Variants in SATB2 observed in about 807,000 individuals in gnomAD.
SATB2 encodes the protein SATB homeobox 2.
In SATB2, 1 loss-of-function variant was observed where a neutral mutation model predicts 73.4. The observed-to-expected ratio is 0.01, with a 90% CI of 0.00 to 0.06. The LOEUF (loss-of-function observed/expected upper bound fraction) is 0.06, where lower values mean the gene tolerates loss of function less well. Ranked by LOEUF, SATB2 falls within the 10% of genes least tolerant of loss-of-function variation. The probability of loss-of-function intolerance (pLI) is 1.00; values close to 1 mark genes in which losing one functional copy is unlikely to be tolerated. For synonymous variants in SATB2, 397 were observed against 367.0 expected, an observed-to-expected ratio of 1.08 and a Z score of -0.93; for missense variants, 459 against 945.8, an observed-to-expected ratio of 0.49 and a Z score of 6.75.
At chr2:199,428,759 T>TATTAA (rs1691408909) in intron 3 of SATB2, among the ~76,000 whole-genome samples, 1 of 152,142 alleles carries the variant, frequency 6.6e-6, no homozygotes, top group Non-Finnish European at 1.5e-5. Flanking sequence ...TGCCTGGGTA[T>TATTAA]AGTGGCTCAC....
chr2:199,298,848 A>G (rs1687197767), intron 10 of SATB2, among the ~76,000 whole-genome samples: 1 of 152,198 alleles, frequency 6.6e-6, no homozygotes, highest in Non-Finnish European at 1.5e-5. Flanking sequence ...GACGATGACT[A>G]TCTTTGAAAT....
chr2:199,353,463 C>T (rs1688882819), intron 6 of SATB2, among the ~76,000 whole-genome samples: 1 of 151,896 alleles, frequency 6.6e-6, no homozygotes, highest in Non-Finnish European at 1.5e-5. Context: ...CTGATTTTAC[C>T]TAAATTGAAA....
intron 3 of SATB2, chr2:199,397,627 G>A (rs754119432): frequency 2.0e-5 from 4 of 203,294 alleles, no homozygotes; most frequent in Non-Finnish European, 4.1e-5. Context: ...GATGGCTCAC[G>A]CCTGTAATCC....
At chr2:199,443,376 T>C (rs889091338) in intron 2 of SATB2, among the ~76,000 whole-genome samples, 1 of 152,080 alleles carries the variant, frequency 6.6e-6, no homozygotes, top group African/African-American at 2.4e-5. Context: ...ACTACCCAGA[T>C]TTCTAGTGGG....
upstream of SATB2, among the ~76,000 whole-genome samples, chr2:199,465,654 C>T (rs1472072265): frequency 6.6e-6 from 1 of 152,186 alleles, no homozygotes; most frequent in Non-Finnish European, 1.5e-5. Flanking sequence ...GTTGCTGGCA[C>T]CTATACAAAG....
At chr2:199,343,113 TACACACACAC>T (rs60947005) in intron 7 of SATB2, among the ~76,000 whole-genome samples, 7 of 151,114 alleles carry the variant, frequency 4.6e-5, no homozygotes, top group African/African-American at 1.7e-4. Context: ...TTTTATTTTA[TACACACACAC>T]ACACACACAC....
At chr2:199,275,185 G>A (rs1692275427) in intron 10 of SATB2, among the ~76,000 whole-genome samples, 1 of 152,132 alleles carries the variant, frequency 6.6e-6, no homozygotes, top group Non-Finnish European at 1.5e-5. Context: ...ATTTTCCACT[G>A]TGCACTGGTT....
At chr2:199,432,492 T>C (rs184031221) in intron 3 of SATB2, among the ~76,000 whole-genome samples, 8 of 152,300 alleles carry the variant, frequency 5.3e-5, no homozygotes, top group Admixed American at 4.6e-4. Flanking sequence ...TAACTAAAGA[T>C]AGTAATACAG....
chr2:199,419,624 T>C (rs1262255834), intron 3 of SATB2, among the ~76,000 whole-genome samples: 1 of 152,204 alleles, frequency 6.6e-6, no homozygotes, highest in Non-Finnish European at 1.5e-5. Flanking sequence ...TCTTGTAGCA[T>C]ACTCAGCTGC....
chr2:199,362,968 G>A (rs1689181513), intron 6 of SATB2, among the ~76,000 whole-genome samples: 1 of 152,048 alleles, frequency 6.6e-6, no homozygotes, highest in South Asian at 2.1e-4. Flanking sequence ...TGAGTAGATT[G>A]CAAGCTCATT....
In SATB2 at chr2:199,269,811, T is replaced by C. The variant is rs1320277926; in HGVS notation, c.*2400A>G. On this transcript the variant is annotated 3_prime_UTR_variant, in exon 11 of 11. Coordinates refer to ENST00000417098, the MANE Select transcript of SATB2 (RefSeq NM_001172509.2). Reference sequence around the variant, plus strand: ...ATTGAATAAATAGACATATATGCATTGTAATTCGCAAAGATCTGGCAAGAC... The same window carrying C: ...ATTGAATAAATAGACATATATGCATCGTAATTCGCAAAGATCTGGCAAGAC... 2 of 152,510 alleles carry C rather than the reference T, an allele frequency of 1.3e-5. No homozygotes were observed. Among genetic ancestry groups the C allele is most frequent in the Admixed American group, 6.6e-5 (1 of 15,242 alleles). 9.4% of individuals were successfully genotyped at this position (152,510 alleles called of 1,614,324 possible).
chr2:199,463,770 A>C lies in SATB2; in HGVS notation c.-141+1066T>G, dbSNP rs991260530. The stretch of plus-strand genomic sequence containing the variant: ...ATACGAACGCCCACAGTTTGTCCCA[A>C]CCCCTTGAAATGAAAAGTACACCTG... On this transcript the variant is annotated intron_variant, in intron 1 of 11. Transcript: ENST00000260926. The surrounding 1 kb of genome is among the most constrained non-coding windows in gnomAD (Gnocchi z 6.4). Among the ~76,000 whole-genome samples, 1 of 152,040 alleles carries C rather than the reference A, an allele frequency of 6.6e-6. No homozygotes were observed. The highest frequency in any genetic ancestry group is 2.4e-5 in the African/African-American group (1 of 41,400).
At chr2:199,446,866 G>T (rs1281669124) in intron 2 of SATB2, among the ~76,000 whole-genome samples, 1 of 152,140 alleles carries the variant, frequency 6.6e-6, no homozygotes, top group African/African-American at 2.4e-5. Flanking sequence ...TGCCTATCTT[G>T]TTTCTTTCAT....
intron 3 of SATB2, among the ~76,000 whole-genome samples, chr2:199,385,238 T>C (rs984193953): frequency 6.6e-6 from 1 of 152,046 alleles, no homozygotes; most frequent in East Asian, 1.9e-4. Context: ...AGGCTCAAGC[T>C]AGCCTCCCAC....
chr2:199,376,159 A>AT (rs1293443317), intron 5 of SATB2, among the ~76,000 whole-genome samples: 10 of 152,126 alleles, frequency 6.6e-5, no homozygotes, highest in Admixed American at 4.6e-4. Flanking sequence ...TCCCAGTGAG[A>AT]TTTTCCATAA....
At chr2:199,353,114 C>G (rs148281415) in intron 6 of SATB2, among the ~76,000 whole-genome samples, 112 of 148,954 alleles carry the variant, frequency 7.5e-4, no homozygotes, top group African/African-American at 2.5e-3. Context: ...CAAGGCAGAA[C>G]ACGATTTCAG....
At chr2:199,302,952 C>A (rs1574487004) in intron 10 of SATB2, among the ~76,000 whole-genome samples, 1 of 152,136 alleles carries the variant, frequency 6.6e-6, no homozygotes, top group East Asian at 1.9e-4. Context: ...TGACATCACA[C>A]CAATGATTTG....
chr2:199,285,212 GATGAC>G (rs1226482500), intron 10 of SATB2, among the ~76,000 whole-genome samples: 1 of 152,062 alleles, frequency 6.6e-6, no homozygotes, highest in African/African-American at 2.4e-5. Context: ...GAAAACTTTG[GATGAC>G]ATGAATCACA....
intron 5 of SATB2, among the ~76,000 whole-genome samples, chr2:199,379,682 C>CTTTTTTTT (rs71015899): frequency 6.5e-5 from 7 of 108,232 alleles, no homozygotes; most frequent in South Asian, 6.4e-4. Flanking sequence ...CTTTTCTTTT[C>CTTTTTTTT]TTTTTTTTTT....
Sources: allele counts gnomAD v4.1 joint callset (sites outside exome capture counted in the v4.1 genomes callset), GRCh38; gene constraint gnomAD v4.1.1; non-coding constraint Gnocchi (gnomAD v3.1); transcripts MANE v1.5; gene names NCBI Gene and HGNC (gene_info 2026-07-23, HGNC 2026-07-21).